Variants in BIRC6 observed in about 807,000 individuals in gnomAD.
BIRC6 encodes the protein dual E2 ubiquitin-conjugating enzyme/E3 ubiquitin-protein ligase BIRC6.
Under a neutral mutation model 503.3 loss-of-function variants are expected in BIRC6, and 98 were observed. That is an observed-to-expected ratio of 0.19 (90% confidence interval 0.17 to 0.23). The LOEUF (loss-of-function observed/expected upper bound fraction) is 0.23, where lower values mean the gene tolerates loss of function less well. BIRC6 is among the 10% of genes least tolerant of loss of function. The pLI is 1.00. For missense variants in BIRC6, 5,360 were observed against 5,806.0 expected, an observed-to-expected ratio of 0.92 and a Z score of 2.50; for synonymous variants, 2,240 against 2,078.7, an observed-to-expected ratio of 1.08 and a Z score of -2.11.
Position 32,437,328 on chromosome 2 carries a change from G to A in BIRC6, c.3631+1144G>A, listed in dbSNP as rs139025512. ...AATTTAGAAATATCAGTGGTAGGAC[G>A]TTTTCAGCTTTTGTATTCTGGGGGT... On this transcript the variant is annotated intron_variant, in intron 15 of 73. Coordinates refer to ENST00000421745, the MANE Select transcript of BIRC6 (RefSeq NM_016252.4). 5.9e-3 allele frequency among the ~76,000 whole-genome samples: 891 copies of A among 152,176 alleles called. 8 individuals are homozygous for A. The highest frequency in any genetic ancestry group is 0.02 in the African/African-American group (842 of 41,520).
At chr2:32,588,860 T>C (rs2061229361) in intron 66 of BIRC6, among the ~76,000 whole-genome samples, 1 of 152,234 alleles carries the variant, frequency 6.6e-6, no homozygotes, top group South Asian at 2.1e-4. Context: ...ACCCACAAAA[T>C]AGTCACTCTG....
At chr2:32,519,077 T>C in intron 57 of BIRC6, 131 bp downstream of exon 57, 2 of 896,398 alleles carry the variant, frequency 2.2e-6, no homozygotes, top group Non-Finnish European at 3.3e-6. Flanking sequence ...CAAGACATCT[T>C]TATAGTTTGA....
chr2:32,430,308 G>A (rs1362069644), intron 11 of BIRC6, among the ~76,000 whole-genome samples: 3 of 152,050 alleles, frequency 2.0e-5, no homozygotes, highest in African/African-American at 4.8e-5. Flanking sequence ...TATGAAGCAC[G>A]TTATTACTCT....
chr2:32,381,050 G>C (rs2037565797), intron 3 of BIRC6, among the ~76,000 whole-genome samples: 1 of 152,106 alleles, frequency 6.6e-6, no homozygotes, highest in Non-Finnish European at 1.5e-5. Flanking sequence ...ATTTCCTCCA[G>C]ATTTTTCTTT....
At chr2:32,492,284 C>A (rs1350537284) in intron 44 of BIRC6, among the ~76,000 whole-genome samples, 1 of 152,014 alleles carries the variant, frequency 6.6e-6, no homozygotes, top group Non-Finnish European at 1.5e-5. Context: ...TGTGCTTGTT[C>A]TAGGTACTAG....
intron 45 of BIRC6, 80 bp downstream of exon 45, chr2:32,493,747 T>A: frequency 8.3e-7 from 1 of 1,202,934 alleles, no homozygotes; most frequent in Non-Finnish European, 1.2e-6. Flanking sequence ...TAACATTTGT[T>A]GGGAATTTAT....
rs2048738047 is a variant in BIRC6 at position 32,467,995 on chromosome 2, A to G, written c.5664A>G (p.Glu1888=). 6.2e-7 allele frequency: 1 copy of G among 1,613,806 alleles called. No homozygotes were observed. Among genetic ancestry groups the G allele is most frequent in the East Asian group, 2.2e-5 (1 of 44,856 alleles). Residue 1888 remains glutamate (E), a synonymous_variant, in exon 28 of 74, where the codon GAA becomes GAG. Coordinates refer to ENST00000421745, the MANE Select transcript of BIRC6 (RefSeq NM_016252.4). ...YYGHTYILPW[E]SELKLMHDPL... ...GTCATACCTACATCTTGCCTTGGGA[A>G]AGTGAACTGAAGTTAATGCATGATC... is the stretch of plus-strand genomic sequence containing the variant.
intron 45 of BIRC6, among the ~76,000 whole-genome samples, 187 bp from the exon 46 acceptor site, chr2:32,499,360 T>C (rs1365622354): frequency 6.6e-6 from 1 of 152,156 alleles, no homozygotes; most frequent in Non-Finnish European, 1.5e-5. Flanking sequence ...AGAACAAGAA[T>C]TCCAAAAGAG....
rs1209179281 is a variant in BIRC6, at chr2:32,505,150, T to G, written c.9645T>G (p.Pro3215=). 2 of 1,598,298 alleles carry G rather than the reference T, an allele frequency of 1.3e-6. No homozygotes were observed. The highest frequency in any genetic ancestry group is 2.7e-5 in the African/African-American group (2 of 74,666). ...GGTGTGACCTTACCATTCACCTTCC[T>G]GCAGCAGTGCTGCTTAAGGAGATAC... is the stretch of plus-strand genomic sequence containing the variant. ...EAWCDLTIHL[P]AAVLLKEIHI... is the part of the protein sequence containing the mutation. The change falls in exon 50 of 74, where the codon CCT becomes CCG. Residue 3215 remains proline, a synonymous_variant. Coordinates refer to ENST00000421745, the MANE Select transcript of BIRC6 (RefSeq NM_016252.4).
rs1203003509 is a variant in BIRC6, at chr2:32,599,150, G to C, written c.13831-589G>C. On this transcript the variant is annotated intron_variant, in intron 69 of 73. Transcript: ENST00000421745. ...TCAAGAACAGCCTGGCTGATGTGGT[G>C]AAACCTCATCTCTACTAAAAATACA... 2.0e-5 allele frequency among the ~76,000 whole-genome samples: 3 copies of C among 151,502 alleles called. No homozygotes were observed. The East Asian group carries it at 5.8e-4, about 29-fold the overall frequency.
At chr2:32,371,542 T>G (rs572182240) in intron 1 of BIRC6, among the ~76,000 whole-genome samples, 2 of 149,570 alleles carry the variant, frequency 1.3e-5, no homozygotes, top group South Asian at 4.2e-4. Flanking sequence ...GCCCGGCTAA[T>G]TTTTTGTATT....
At chr2:32,397,632 A>ATG (rs2040082882) in intron 6 of BIRC6, among the ~76,000 whole-genome samples, 1 of 138,216 alleles carries the variant, frequency 7.2e-6, no homozygotes, top group African/African-American at 2.8e-5. Flanking sequence ...ATATATATGT[A>ATG]TATATATACA....
At position 32,429,269 on chromosome 2, in the gene BIRC6, C is replaced by A; in HGVS notation, c.2996C>A (p.Ser999Ter). Reference sequence around the variant, plus strand: ...TCTTCAGAAGGTTCCAAACCTTTATCAAATCCTTCAAGTCCTGGCATTTCA... The same window carrying A: ...TCTTCAGAAGGTTCCAAACCTTTATAAAATCCTTCAAGTCCTGGCATTTCA... ...EPSSEGSKPL[S>*]NPSSPGISGV... The change falls in exon 11 of 74, where the codon TCA becomes TAA. Residue 999 changes from serine to a stop codon, truncating the protein, a stop_gained. Coordinates refer to ENST00000421745, the MANE Select transcript of BIRC6 (RefSeq NM_016252.4). LOFTEE classifies it high-confidence loss of function. The A allele has an allele frequency of 6.5e-7, 1 of 1,527,378 alleles. No homozygotes were observed. 94.6% of individuals were successfully genotyped at this position (1,527,378 alleles called of 1,614,324 possible).
chr2:32,389,835 T>C (rs1023629499), intron 4 of BIRC6, among the ~76,000 whole-genome samples: 2 of 151,964 alleles, frequency 1.3e-5, no homozygotes, highest in Non-Finnish European at 2.9e-5. Flanking sequence ...TAGCTGGAAT[T>C]ATAACCGTCC....
At chr2:32,507,577 A>T (rs1481250537) in intron 50 of BIRC6, among the ~76,000 whole-genome samples, 1 of 152,260 alleles carries the variant, frequency 6.6e-6, no homozygotes, top group African/African-American at 2.4e-5. Context: ...CAAATTATTT[A>T]AAATAGTAAA....
intron 3 of BIRC6, among the ~76,000 whole-genome samples, chr2:32,380,681 T>A (rs1166524148): frequency 8.5e-5 from 13 of 152,132 alleles, no homozygotes; most frequent in Admixed American, 8.5e-4. Context: ...ATTGCAGAGA[T>A]TGCGCCACTG....
chr2:32,437,350 G>GTATTTGTATTCT (rs1293327582), intron 15 of BIRC6, among the ~76,000 whole-genome samples: 1 of 152,016 alleles, frequency 6.6e-6, no homozygotes, highest in Non-Finnish European at 1.5e-5. Flanking sequence ...TGTATTCTGG[G>GTATTTGTATTCT]GGTAAATAAA....
At chr2:32,443,706 T>C (rs2148363566) in intron 20 of BIRC6, 118 bp downstream of exon 20, 1 of 805,780 alleles carries the variant, frequency 1.2e-6, no homozygotes, top group Non-Finnish European at 1.9e-6. Context: ...CTGTGGCTTA[T>C]CTGTATTTTT....
At chr2:32,367,575 A>G (rs2035143058) in intron 1 of BIRC6, among the ~76,000 whole-genome samples, 1 of 152,162 alleles carries the variant, frequency 6.6e-6, no homozygotes, top group Non-Finnish European at 1.5e-5. Flanking sequence ...TAATCCCAGC[A>G]CTTGTGGGGC....
Sources: allele counts gnomAD v4.1 joint callset (sites outside exome capture counted in the v4.1 genomes callset), GRCh38; gene constraint gnomAD v4.1.1; transcripts MANE v1.5; gene names NCBI Gene and HGNC (gene_info 2026-07-23, HGNC 2026-07-21).